The following PLEKHM3 variants were observed in gnomAD, a reference collection of about 807,000 sequenced individuals.
PLEKHM3 encodes pleckstrin homology domain-containing family M member 3.
PLEKHM3 carries 45 observed loss-of-function variants against 81.8 expected under a neutral mutation model. The ratio of observed to expected loss-of-function variants is 0.55; its 90% CI spans 0.43 to 0.71. The LOEUF is 0.71. Ranked by LOEUF, PLEKHM3 falls within the 30% of genes least tolerant of loss-of-function variation. PLEKHM3 has a pLI of 0.00. For missense variants in PLEKHM3, 788 were observed against 924.3 expected, an observed-to-expected ratio of 0.85 and a Z score of 1.91; for synonymous variants, 352 against 356.4, an observed-to-expected ratio of 0.99 and a Z score of 0.14.
At chr2:207,850,911 T>G (rs1279317097) in intron 7 of PLEKHM3, among the ~76,000 whole-genome samples, 2 of 151,752 alleles carry the variant, frequency 1.3e-5, no homozygotes, top group African/African-American at 4.8e-5. Flanking sequence ...TCCCAGCACT[T>G]TGGGAGGCCA....
intron 6 of PLEKHM3, among the ~76,000 whole-genome samples, chr2:207,888,304 A>G (rs546250706): frequency 1.3e-5 from 2 of 152,182 alleles, no homozygotes; most frequent in East Asian, 3.9e-4. Context: ...CATCAAACAC[A>G]AACTATTCTT....
chr2:207,840,103 AG>A (rs1231651589), intron 7 of PLEKHM3, among the ~76,000 whole-genome samples: 11 of 152,370 alleles, frequency 7.2e-5, no homozygotes, highest in African/African-American at 2.4e-4. Context: ...TAAAGACAGC[AG>A]GGCTCTTATT....
At chr2:207,937,570 TAAA>T (rs771283946) in intron 4 of PLEKHM3, among the ~76,000 whole-genome samples, 1 of 128,092 alleles carries the variant, frequency 7.8e-6, no homozygotes. Flanking sequence ...ACACTGTCTC[TAAA>T]AAAAAAAAAA....
chr2:207,839,885 C>CCA (rs970342016), intron 7 of PLEKHM3, among the ~76,000 whole-genome samples: 69 of 152,220 alleles, frequency 4.5e-4, no homozygotes, highest in African/African-American at 1.4e-3. Context: ...CGTGATGGTG[C>CCA]CACTACATTT....
intron 6 of PLEKHM3, among the ~76,000 whole-genome samples, chr2:207,897,513 A>T (rs1230521997): frequency 6.6e-6 from 1 of 152,172 alleles, no homozygotes; most frequent in African/African-American, 2.4e-5. Context: ...TATTATTCTC[A>T]CTTCAGAGAT....
Position 207,821,534 on chromosome 2 carries a change from G to A in PLEKHM3, c.*6785C>T, listed in dbSNP as rs954285730. 6.6e-6 allele frequency: 1 copy of A among 152,048 alleles called. No homozygotes were observed. Among genetic ancestry groups the A allele is most frequent in the Non-Finnish European group, 1.5e-5 (1 of 68,016 alleles). 9.4% of individuals were successfully genotyped at this position (152,048 alleles called of 1,614,324 possible). The stretch of plus-strand genomic sequence containing the variant: ...AACACATATATAAGTTAGCACATTA[G>A]CTACTACAAATAACTTAACACAAAG... On this transcript the variant is annotated 3_prime_UTR_variant, in exon 8 of 8. Coordinates refer to ENST00000427836, the MANE Select transcript of PLEKHM3 (RefSeq NM_001080475.3).
At chr2:207,948,638 C>T (rs1044662455) in intron 3 of PLEKHM3, among the ~76,000 whole-genome samples, 23 of 151,134 alleles carry the variant, frequency 1.5e-4, no homozygotes, top group Middle Eastern at 3.4e-3. Context: ...CCGCGTCCCG[C>T]GCTCATGCCA....
intron 2 of PLEKHM3, among the ~76,000 whole-genome samples, chr2:208,000,654 C>T (rs116899289): frequency 4.7e-4 from 71 of 152,264 alleles, no homozygotes; most frequent in East Asian, 1.7e-3. Context: ...GCCCAACGTA[C>T]GATCTACTAT....
chr2:207,980,661 C>T (rs1691490341), intron 2 of PLEKHM3, among the ~76,000 whole-genome samples: 1 of 151,866 alleles, frequency 6.6e-6, no homozygotes, highest in African/African-American at 2.4e-5. Context: ...CTTGACCTCC[C>T]AGGCTCAAGC....
At chr2:207,922,746 A>G (rs1689228158) in intron 5 of PLEKHM3, among the ~76,000 whole-genome samples, 1 of 152,062 alleles carries the variant, frequency 6.6e-6, no homozygotes, top group Admixed American at 6.6e-5. Flanking sequence ...CGGGAGGCAG[A>G]ACTCGCAGTG....
chr2:207,862,511 G>A (rs2092473116), intron 6 of PLEKHM3, among the ~76,000 whole-genome samples: 1 of 152,090 alleles, frequency 6.6e-6, no homozygotes, highest in African/African-American at 2.4e-5. Flanking sequence ...GGTGGCAGGT[G>A]CCTGTAATTC....
chr2:207,990,518 G>A (rs1021260134), intron 2 of PLEKHM3, among the ~76,000 whole-genome samples: 12 of 152,058 alleles, frequency 7.9e-5, no homozygotes, highest in Admixed American at 2.0e-4. Flanking sequence ...TATAGTACTC[G>A]ACTATGTTCA....
At chr2:207,832,201 G>A (rs966536714) in intron 7 of PLEKHM3, among the ~76,000 whole-genome samples, 3 of 152,266 alleles carry the variant, frequency 2.0e-5, no homozygotes. Context: ...ATAGAACTAA[G>A]TCCTATTTTC....
chr2:208,024,669 T>C (rs904918636), intron 1 of PLEKHM3, among the ~76,000 whole-genome samples: 1 of 152,172 alleles, frequency 6.6e-6, no homozygotes, highest in Non-Finnish European at 1.5e-5. Context: ...ACTTAAAATA[T>C]AGAGAAAAAA....
chr2:207,990,663 A>G (rs929921227), intron 2 of PLEKHM3, among the ~76,000 whole-genome samples: 1 of 152,208 alleles, frequency 6.6e-6, no homozygotes, highest in African/African-American at 2.4e-5. Context: ...ATACTACAGG[A>G]ATCAAAGCTG....
intron 6 of PLEKHM3, chr2:207,901,278 T>C (rs1282325011): frequency 5.7e-6 from 4 of 703,024 alleles, no homozygotes; most frequent in Non-Finnish European, 1.0e-5. Context: ...CATCTGTGGA[T>C]CAGGTTAGAT....
chr2:207,939,976 G>A (rs937695849), intron 4 of PLEKHM3, among the ~76,000 whole-genome samples: 1 of 152,168 alleles, frequency 6.6e-6, no homozygotes, highest in Non-Finnish European at 1.5e-5. Context: ...GGTGACTGTG[G>A]GGCATTCACT....
chr2:207,850,646 A>T (rs895611652), intron 7 of PLEKHM3, among the ~76,000 whole-genome samples: 1 of 152,240 alleles, frequency 6.6e-6, no homozygotes, highest in African/African-American at 2.4e-5. Context: ...CCTTAGCAGC[A>T]TTAGGAAAGG....
chr2:207,873,750 TTTAA>T (rs1175816872), intron 6 of PLEKHM3, among the ~76,000 whole-genome samples: 1 of 152,248 alleles, frequency 6.6e-6, no homozygotes, highest in African/African-American at 2.4e-5. Context: ...CATCAATGCA[TTTAA>T]TTAGTTAATG....
Sources: allele counts gnomAD v4.1 joint callset (sites outside exome capture counted in the v4.1 genomes callset), GRCh38; gene constraint gnomAD v4.1.1; transcripts MANE v1.5; gene names NCBI Gene and HGNC (gene_info 2026-07-23, HGNC 2026-07-21).